Variants in DLGAP2 observed in about 807,000 individuals in gnomAD.
The protein encoded by DLGAP2 is DLG associated protein 2.
Under a neutral mutation model 100.3 loss-of-function variants are expected in DLGAP2, and 26 were observed. The ratio of observed to expected loss-of-function variants is 0.26; its 90% CI spans 0.19 to 0.36. The LOEUF (loss-of-function observed/expected upper bound fraction) is 0.36. Ranked by LOEUF, DLGAP2 falls within the 10% of genes least tolerant of loss-of-function variation. The pLI, the probability that DLGAP2 is intolerant of heterozygous loss-of-function variation, is 1.00. For missense variants in DLGAP2, 1,858 were observed against 1,453.2 expected (o/e 1.28, Z -4.53); for synonymous variants, 886 against 630.1 (o/e 1.41, Z -6.08).
chr8:912,741 C>A (rs1403256110), intron 2 of DLGAP2, among the ~76,000 whole-genome samples: 1 of 147,242 alleles, frequency 6.8e-6, no homozygotes, highest in Admixed American at 6.8e-5. Flanking sequence ...CGCTATGGTG[C>A]CCACGTTCCT....
chr8:1,269,166 T>G (rs1799529263), intron 3 of DLGAP2, among the ~76,000 whole-genome samples: 1 of 152,240 alleles, frequency 6.6e-6, no homozygotes, highest in Non-Finnish European at 1.5e-5. Context: ...CCGGGCCATG[T>G]TCGTTGCTGC....
chr8:1,577,628 G>C (rs1483118972), intron 6 of DLGAP2, among the ~76,000 whole-genome samples: 1 of 151,442 alleles, frequency 6.6e-6, no homozygotes, highest in African/African-American at 2.4e-5. Flanking sequence ...TCCAACAAGA[G>C]GTTTATTGTG....
At chr8:1,216,836 TTCTG>T (rs1220141042) in intron 2 of DLGAP2, among the ~76,000 whole-genome samples, 1 of 152,172 alleles carries the variant, frequency 6.6e-6, no homozygotes, top group Non-Finnish European at 1.5e-5. Context: ...ATGAGTTCTT[TTCTG>T]TCTTAGTTGG....
intron 3 of DLGAP2, among the ~76,000 whole-genome samples, chr8:1,416,727 G>A (rs115007822): frequency 0.011 from 1,647 of 152,260 alleles, 31 homozygotes; most frequent in African/African-American, 0.038. Flanking sequence ...CAAAAACCAG[G>A]TAGTAAGAAA....
chr8:1,345,021 G>T (rs1801522264), intron 3 of DLGAP2, among the ~76,000 whole-genome samples: 1 of 152,178 alleles, frequency 6.6e-6, no homozygotes, highest in South Asian at 2.1e-4. Context: ...TTGATATTGG[G>T]ACCATTCATC....
intron 2 of DLGAP2, among the ~76,000 whole-genome samples, chr8:1,165,473 G>A (rs886488234): frequency 1.3e-5 from 2 of 152,166 alleles, no homozygotes; most frequent in African/African-American, 4.8e-5. Flanking sequence ...TGTTTTTGGT[G>A]CAAAGGGCAT....
chr8:1,151,687 T>C (rs1193225090), intron 2 of DLGAP2, among the ~76,000 whole-genome samples: 1 of 152,220 alleles, frequency 6.6e-6, no homozygotes, highest in African/African-American at 2.4e-5. Flanking sequence ...TGCCTTCAGC[T>C]CAAAGCGGTG....
intron 3 of DLGAP2, among the ~76,000 whole-genome samples, chr8:1,429,103 T>C (rs372234843): frequency 3.3e-5 from 5 of 152,184 alleles, no homozygotes; most frequent in African/African-American, 9.7e-5. Flanking sequence ...TTTCATAAGT[T>C]GTTCCTGGAA....
At chr8:907,147 G>C (rs758095986) in intron 1 of DLGAP2, among the ~76,000 whole-genome samples, 1 of 152,194 alleles carries the variant, frequency 6.6e-6, no homozygotes, top group Admixed American at 6.5e-5. Context: ...CCCTAGAACA[G>C]GTAATAAGCA....
chr8:1,128,598 T>TCA (rs1222902940), intron 2 of DLGAP2, among the ~76,000 whole-genome samples: 1 of 152,192 alleles, frequency 6.6e-6, no homozygotes, highest in Non-Finnish European at 1.5e-5. Context: ...CGGGTTTGTA[T>TCA]AACACATTCT....
chr8:1,522,398 C>T (rs1042523596), intron 4 of DLGAP2, among the ~76,000 whole-genome samples: 2 of 152,182 alleles, frequency 1.3e-5, no homozygotes, highest in Non-Finnish European at 2.9e-5. Flanking sequence ...GGGCCCAGGG[C>T]ATCACACCCA....
chr8:1,419,008 CA>C (rs1797016532), intron 3 of DLGAP2, among the ~76,000 whole-genome samples: 1 of 152,270 alleles, frequency 6.6e-6, no homozygotes, highest in African/African-American at 2.4e-5. Context: ...AACGAAGGGG[CA>C]CATGGGGCGA....
At chr8:969,920 A>G (rs930081065) in intron 2 of DLGAP2, among the ~76,000 whole-genome samples, 2 of 152,230 alleles carry the variant, frequency 1.3e-5, no homozygotes, top group Non-Finnish European at 2.9e-5. Flanking sequence ...TAGCATAAAC[A>G]TTTGAGGTTA....
At chr8:1,526,886 G>A (rs1382223363) in intron 4 of DLGAP2, among the ~76,000 whole-genome samples, 1 of 152,236 alleles carries the variant, frequency 6.6e-6, no homozygotes, top group African/African-American at 2.4e-5. Flanking sequence ...CCTGGAAAGG[G>A]GGCGGTGGCT....
rs7003758 is a variant in DLGAP2, at chr8:1,355,164, G to A, written c.106+96281G>A. 6.9e-3 allele frequency among the ~76,000 whole-genome samples: 1,044 copies of A among 152,370 alleles called. 13 individuals are homozygous for A. Among genetic ancestry groups the A allele is most frequent in the African/African-American group, 0.022 (896 of 41,584 alleles). ...GTGGCAAAGCCGAGCAGAAAGCACC[G>A]TGAAAGCGGTGACACTGCATGCCCG... On this transcript the variant is annotated intron_variant, in intron 3 of 14. Coordinates refer to ENST00000637795, the MANE Select transcript of DLGAP2 (RefSeq NM_001346810.2).
rs570862426 is a variant in DLGAP2, at chr8:1,255,250, C to G, written c.74-3601C>G. ...GGTGCTGTGTGTGTGCCCTCTCATC[C>G]TGCCCGGGTGCTGTGTGTGTGTCCT... On this transcript the variant is annotated intron_variant, in intron 2 of 14. Transcript: ENST00000637795. Among the ~76,000 whole-genome samples the G allele has an allele frequency of 8.5e-5, 8 of 94,424 alleles. 1 individual carries two copies. Among genetic ancestry groups the G allele is most frequent in the African/African-American group, 5.3e-4 (8 of 15,130 alleles). 61.9% of individuals were successfully genotyped at this position (94,424 alleles called of 152,430 possible). A position where few individuals can be genotyped will look rare whatever the true frequency, so the allele number is the denominator to read the frequency against.
At chr8:772,931 C>T (rs1322081529) in intron 1 of DLGAP2, among the ~76,000 whole-genome samples, 1 of 152,158 alleles carries the variant, frequency 6.6e-6, no homozygotes, top group Non-Finnish European at 1.5e-5. Context: ...ATGGAATGCA[C>T]CCCAGATGCA....
chr8:861,959 A>G (rs1797400482), intron 1 of DLGAP2, among the ~76,000 whole-genome samples: 1 of 152,264 alleles, frequency 6.6e-6, no homozygotes, highest in African/African-American at 2.4e-5. Flanking sequence ...TTATTTTAAA[A>G]GGCACTTATG....
intron 10 of DLGAP2, 30 bp downstream of exon 10, chr8:1,669,814 G>A (rs747132974): frequency 3.8e-6 from 3 of 780,872 alleles, no homozygotes; most frequent in Non-Finnish European, 7.2e-6. Context: ...CCAAAGCCGC[G>A]TCCGCATGAC....
Sources: gnomAD v4.1 joint callset for allele counts (sites outside exome capture counted in the v4.1 genomes callset) on GRCh38, gnomAD v4.1.1 for gene constraint, MANE v1.5 for transcripts, NCBI Gene and HGNC (gene_info 2026-07-23, HGNC 2026-07-21) for gene names.